The following EXOC4 variants were observed in gnomAD, a reference collection of about 807,000 sequenced individuals.
EXOC4 encodes the protein SEC8-like 1.
In EXOC4, 71 loss-of-function variants were observed where a neutral mutation model predicts 107.2. The observed-to-expected ratio is 0.66, with a 90% CI of 0.55 to 0.81. The LOEUF (loss-of-function observed/expected upper bound fraction) is 0.81, where lower values mean the gene tolerates loss of function less well. Among genes scored for constraint, EXOC4 ranks in the 30% least tolerant of loss-of-function variants. The probability of loss-of-function intolerance (pLI) is 0.00; values close to 1 mark genes in which losing one functional copy is unlikely to be tolerated. For missense variants in EXOC4, 1,108 were observed against 1,189.6 expected (o/e 0.93, Z 1.01); for synonymous variants, 456 against 441.2 (o/e 1.03, Z -0.42).
intron 10 of EXOC4, among the ~76,000 whole-genome samples, chr7:133,728,263 G>A (rs1438797191): frequency 6.6e-6 from 1 of 152,236 alleles, no homozygotes; most frequent in Non-Finnish European, 1.5e-5. Flanking sequence ...AACTTGACTA[G>A]TAAGAAGCAT....
intron 11 of EXOC4, among the ~76,000 whole-genome samples, chr7:133,869,218 A>G (rs1798703440): frequency 6.6e-6 from 1 of 151,806 alleles, no homozygotes. Context: ...AGAAGACTCA[A>G]ACTAGATCAA....
At chr7:134,093,950 A>T in the EXOC4 span, among the ~76,000 whole-genome samples, 1 of 152,194 alleles carries the variant, frequency 6.6e-6, no homozygotes. Context: ...TATAACACTA[A>T]ATGTCTACCT....
chr7:133,663,451 T>TA (rs1793742201), intron 10 of EXOC4, among the ~76,000 whole-genome samples: 1 of 152,180 alleles, frequency 6.6e-6, no homozygotes, highest in South Asian at 2.1e-4. Context: ...ACCCCAGCCT[T>TA]AAATGCCTTT....
chr7:133,626,265 G>A (rs1802452743), intron 9 of EXOC4, among the ~76,000 whole-genome samples: 1 of 152,140 alleles, frequency 6.6e-6, no homozygotes, highest in African/African-American at 2.4e-5. Flanking sequence ...GAAGGCTCAT[G>A]AGGAAAAGTG....
At chr7:133,412,063 A>G (rs1009835836) in intron 7 of EXOC4, among the ~76,000 whole-genome samples, 1 of 152,032 alleles carries the variant, frequency 6.6e-6, no homozygotes, top group Non-Finnish European at 1.5e-5. Flanking sequence ...TGGCTTTGAT[A>G]GGAAGATGTC....
chr7:134,040,368 T>A (rs1418068174), intron 17 of EXOC4, among the ~76,000 whole-genome samples: 1 of 152,226 alleles, frequency 6.6e-6, no homozygotes, highest in Non-Finnish European at 1.5e-5. Flanking sequence ...TTTGACAGTC[T>A]TCTTTACATG....
At chr7:134,092,460 G>C in the EXOC4 span, among the ~76,000 whole-genome samples, 4 of 152,168 alleles carry the variant, frequency 2.6e-5, no homozygotes, top group South Asian at 8.3e-4. Context: ...TATTTTCAAA[G>C]AAAGGAACTC....
chr7:133,324,524 G>A (rs1458759589), intron 5 of EXOC4, among the ~76,000 whole-genome samples: 2 of 152,200 alleles, frequency 1.3e-5, no homozygotes, highest in Admixed American at 6.5e-5. Flanking sequence ...GTGATTTTGA[G>A]TGAGTTTCTT....
intron 10 of EXOC4, among the ~76,000 whole-genome samples, chr7:133,811,107 A>T (rs1193470443): frequency 6.6e-6 from 1 of 151,652 alleles, no homozygotes; most frequent in Non-Finnish European, 1.5e-5. Flanking sequence ...CCTTTTCTTT[A>T]CTCTCATAGT....
chr7:133,459,401 A>G (rs1255699877), intron 7 of EXOC4, among the ~76,000 whole-genome samples: 5 of 152,176 alleles, frequency 3.3e-5, no homozygotes, highest in Non-Finnish European at 7.3e-5. Context: ...AATTTATTGT[A>G]TCCATCTCCT....
intron 12 of EXOC4, among the ~76,000 whole-genome samples, chr7:133,902,697 G>A (rs1000171151): frequency 2.0e-5 from 3 of 151,734 alleles, no homozygotes; most frequent in Non-Finnish European, 4.4e-5. Context: ...TACTAAAAAC[G>A]CCAAAAAATT....
intron 10 of EXOC4, among the ~76,000 whole-genome samples, chr7:133,651,286 CT>C (rs1291845051): frequency 2.6e-5 from 4 of 152,072 alleles, no homozygotes; most frequent in Non-Finnish European, 5.9e-5. Flanking sequence ...GAAGCAGGAA[CT>C]TTTCATTCAA....
At chr7:133,327,207 A>G (rs1309834151) in intron 5 of EXOC4, among the ~76,000 whole-genome samples, 1 of 152,072 alleles carries the variant, frequency 6.6e-6, no homozygotes, top group Non-Finnish European at 1.5e-5. Context: ...TGGGCTGCGC[A>G]CCCACTGTCC....
In EXOC4 at chr7:134,005,015, A is replaced by C; in HGVS notation, c.2452A>C (p.Asn818His). Residue 818 changes from asparagine (N) to histidine (H), a missense_variant, in exon 16 of 18, where the codon AAC becomes CAC. Transcript: ENST00000253861. The stretch of plus-strand genomic sequence containing the variant: ...TTATGACCCCCTGGTGGTCAAGCTC[A>C]ACAAAGATATCAGCGCCATTGAAGA... The part of the protein sequence containing the change: ...MDYDPLVVKL[N>H]KDISAIEEAM... 1 of 1,613,656 alleles carries C rather than the reference A, an allele frequency of 6.2e-7. No individual in the cohort carries two copies. Among genetic ancestry groups the C allele is most frequent in the African/African-American group, 1.3e-5 (1 of 74,990 alleles).
chr7:133,988,984 T>A lies in EXOC4; in HGVS notation c.2207-8508T>A, dbSNP rs1295401001. The stretch of plus-strand genomic sequence containing the variant: ...GTTTTGGGTAAATAACTTATCTGAC[T>A]CATATTTAATTAGATAAAAGGGGGC... On this transcript the variant is annotated intron_variant, in intron 14 of 17. Coordinates refer to ENST00000253861, the MANE Select transcript of EXOC4 (RefSeq NM_021807.4). 5.3e-5 allele frequency among the ~76,000 whole-genome samples: 8 copies of A among 152,274 alleles called. No individual in the cohort carries two copies. In the South Asian group the frequency reaches 1.2e-3, roughly 24 times the overall value.
At chr7:133,781,462 G>A (rs1796464378) in intron 10 of EXOC4, among the ~76,000 whole-genome samples, 1 of 152,228 alleles carries the variant, frequency 6.6e-6, no homozygotes, top group Non-Finnish European at 1.5e-5. Context: ...CCACTTACTA[G>A]TTGTGTTTCC....
intron 9 of EXOC4, among the ~76,000 whole-genome samples, chr7:133,614,201 A>T (rs184682980): frequency 1.3e-5 from 2 of 152,282 alleles, no homozygotes; most frequent in Admixed American, 6.5e-5. Flanking sequence ...AAACACCAGG[A>T]TTTAAGGCAG....
intron 10 of EXOC4, among the ~76,000 whole-genome samples, chr7:133,659,430 C>T (rs1218822581): frequency 6.6e-6 from 1 of 152,110 alleles, no homozygotes; most frequent in African/African-American, 2.4e-5. Flanking sequence ...GGCCTTGTCC[C>T]ATGCCTGCGT....
intron 10 of EXOC4, among the ~76,000 whole-genome samples, chr7:133,683,190 A>G (rs535063964): frequency 1.3e-5 from 2 of 152,188 alleles, no homozygotes; most frequent in South Asian, 4.1e-4. Context: ...TAGCTGACAC[A>G]TTTTGTTAGT....
Sources: gnomAD v4.1 joint callset for allele counts (sites outside exome capture counted in the v4.1 genomes callset) on GRCh38, gnomAD v4.1.1 for gene constraint, MANE v1.5 for transcripts, NCBI Gene and HGNC (gene_info 2026-07-23, HGNC 2026-07-21) for gene names.